The following SPATA6L variants were observed in gnomAD, a reference collection of about 807,000 sequenced individuals.
The protein encoded by SPATA6L is spermatogenesis associated 6-like protein.
A neutral mutation model predicts 49.2 loss-of-function variants in SPATA6L; 68 were observed. The ratio of observed to expected loss-of-function variants is 1.38; its 90% CI spans 1.14 to 1.69. The LOEUF is 1.69. Ranked by LOEUF, SPATA6L falls within the 40% of genes most tolerant of loss-of-function variation. The pLI is 0.00. For missense variants in SPATA6L, 668 were observed against 464.3 expected, an observed-to-expected ratio of 1.44 and a Z score of -4.03; for synonymous variants, 198 against 165.7, an observed-to-expected ratio of 1.19 and a Z score of -1.50.
chr9:4,631,226 T>C (rs1310771538), intron 4 of SPATA6L, among the ~76,000 whole-genome samples: 1 of 152,180 alleles, frequency 6.6e-6, no homozygotes, highest in Non-Finnish European at 1.5e-5. Flanking sequence ...TCATCCAGTC[T>C]CCTTACCAAT....
intron 5 of SPATA6L, chr9:4,626,824 C>T (rs187774985): frequency 1.7e-4 from 36 of 210,660 alleles, no homozygotes; most frequent in African/African-American, 8.2e-4. Context: ...CACAAGAGTA[C>T]CTGAGGACAT....
At position 4,662,136 on chromosome 9, in the gene SPATA6L, C is replaced by A; in HGVS notation, c.40-100G>T. ...TCTCTTAAGCTCCTACAGACACTGA[C>A]ATTTTCCCCATCACCTCACTCCCTC... On this transcript the variant is annotated intron_variant, in intron 1 of 11. Coordinates refer to ENST00000682582, the MANE Select transcript of SPATA6L (RefSeq NM_001353486.2). The surrounding 1 kb of genome is among the most constrained non-coding windows in gnomAD (Gnocchi z 4.9). The A allele has an allele frequency of 1.3e-6, 2 of 1,501,876 alleles. No homozygotes were observed. The highest frequency in any genetic ancestry group is 1.4e-5 in the African/African-American group (1 of 71,638). 93.0% of individuals were successfully genotyped at this position (1,501,876 alleles called of 1,614,324 possible). A position where few individuals can be genotyped will look rare whatever the true frequency, so the allele number is the denominator to read the frequency against.
At chr9:4,596,499 T>C (rs1163365795), downstream of SPATA6L, 1 of 152,212 alleles carries the variant, frequency 6.6e-6, no homozygotes, top group African/African-American at 2.4e-5. Flanking sequence ...TTTATCTCAG[T>C]TCAAAATTCC....
chr9:4,665,032 A>C (rs567422512), intron 1 of SPATA6L: 1 of 167,232 alleles, frequency 6.0e-6, no homozygotes, highest in Non-Finnish European at 1.5e-5. Flanking sequence ...AAATCTGAAT[A>C]TTAGGGGCAT....
chr9:4,607,906 C>T (rs1350531240), intron 9 of SPATA6L, among the ~76,000 whole-genome samples: 33 of 151,240 alleles, frequency 2.2e-4, no homozygotes, highest in Middle Eastern at 3.4e-3. Flanking sequence ...ACCCATCTCA[C>T]GTGCAGAGAC....
At chr9:4,627,953 G>A (rs148423189) in intron 5 of SPATA6L, 196 of 487,734 alleles carry the variant, frequency 4.0e-4, no homozygotes, top group African/African-American at 3.8e-3. Flanking sequence ...TTGCAACAAC[G>A]TGGATGGAAG....
At chr9:4,621,614 G>C (rs1829320657) in intron 7 of SPATA6L, among the ~76,000 whole-genome samples, 1 of 151,940 alleles carries the variant, frequency 6.6e-6, no homozygotes, top group Admixed American at 6.6e-5. Flanking sequence ...TCAGCCTCCT[G>C]AGTAGCTGGG....
At chr9:4,627,746 C>T (rs575622413) in intron 5 of SPATA6L, 30 of 1,289,272 alleles carry the variant, frequency 2.3e-5, no homozygotes, top group East Asian at 5.5e-5. Flanking sequence ...AGACGCTTCA[C>T]GCTTACCAAA....
chr9:4,592,813 A>T (rs1160823481), intron 13 of SPATA6L, among the ~76,000 whole-genome samples: 1 of 152,188 alleles, frequency 6.6e-6, no homozygotes, highest in African/African-American at 2.4e-5. Flanking sequence ...GGTGAGAGGA[A>T]ACTTTTGGAG....
intron 3 of SPATA6L, among the ~76,000 whole-genome samples, chr9:4,649,865 G>A (rs1587430543): frequency 6.6e-6 from 1 of 152,156 alleles, no homozygotes; most frequent in South Asian, 2.1e-4. Flanking sequence ...AATTCTTGCA[G>A]GATCATTTGA....
Position 4,661,946 on chromosome 9 carries a change from G to C in SPATA6L, c.130C>G (p.Pro44Ala). ...MNQYLETNSFPSAFPIMIQES... is the reference protein window; with the variant it reads ...MNQYLETNSFASAFPIMIQES... ...TGAATCATAATGGGGAACGCAGAGG[G>C]AAAGCTGTTGGTCTCCAGGTACTGA... The change falls in exon 2 of 12, where the codon CCC (proline) becomes GCC (alanine). Residue 44 changes from proline (P) to alanine (A), a missense_variant. Transcript: ENST00000682582. 2 of 1,613,984 alleles carry C rather than the reference G, an allele frequency of 1.2e-6. No individual in the cohort carries two copies. The highest frequency in any genetic ancestry group is 4.5e-5 in the East Asian group (2 of 44,874).
At position 4,629,320 on chromosome 9, in the gene SPATA6L, T is replaced by A. The variant is rs1587215003; in HGVS notation, c.352-152A>T. On this transcript the variant is annotated intron_variant, in intron 4 of 11. Coordinates refer to ENST00000682582, the MANE Select transcript of SPATA6L (RefSeq NM_001353486.2). ...AAAATATATATGTAATAAGAATAGCTAAACACTTATGTAATATATATTATG... is the reference window on the plus strand; with the variant it reads ...AAAATATATATGTAATAAGAATAGCAAAACACTTATGTAATATATATTATG... 10 of 562,968 alleles carry A rather than the reference T, an allele frequency of 1.8e-5. No homozygotes were observed. In the East Asian group the frequency reaches 3.0e-4, roughly 17 times the overall value. The allele number at this position is 562,968 out of a possible 1,614,324, so 34.9% of individuals were successfully genotyped here. A position where few individuals can be genotyped will look rare whatever the true frequency, so the allele number is the denominator to read the frequency against.
intron 3 of SPATA6L, among the ~76,000 whole-genome samples, chr9:4,647,832 T>C (rs973159687): frequency 1.2e-5 from 1 of 84,568 alleles, no homozygotes; most frequent in Non-Finnish European, 2.0e-5. Context: ...TGAAAACATT[T>C]TAGTTTTTTT....
Position 4,662,149 on chromosome 9 carries a change from A to C in SPATA6L, c.40-113T>G, listed in dbSNP as rs900628403. On this transcript the variant is annotated intron_variant, in intron 1 of 11. Coordinates refer to ENST00000682582, the MANE Select transcript of SPATA6L (RefSeq NM_001353486.2). The surrounding 1 kb of genome is among the most constrained non-coding windows in gnomAD (Gnocchi z 4.9). ...TACAGACACTGACATTTTCCCCATC[A>C]CCTCACTCCCTCACCTGTACCTCCC... 1 of 1,483,664 alleles carries C rather than the reference A, an allele frequency of 6.7e-7. No homozygotes were observed. 91.9% of individuals were successfully genotyped at this position (1,483,664 alleles called of 1,614,324 possible).
intron 1 of SPATA6L, chr9:4,664,598 G>A (rs1277802640): frequency 6.0e-6 from 1 of 167,078 alleles, no homozygotes; most frequent in African/African-American, 2.4e-5. Context: ...GAGAAGGTAT[G>A]TGCTTTAAGT....
rs371534657 is a variant in SPATA6L at position 4,666,287 on chromosome 9, A to G, written c.-37T>C. ...TGGGCGAAAGGACTGGAATGAGAAG[A>G]TCCTTTTGTGCCGAGCCTTGGACCA... On this transcript the variant is annotated 5_prime_UTR_variant, in exon 1 of 12. Coordinates refer to ENST00000682582, the MANE Select transcript of SPATA6L (RefSeq NM_001353486.2). 33 of 1,612,880 alleles carry G rather than the reference A, an allele frequency of 2.0e-5. No individual in the cohort carries two copies. Among genetic ancestry groups the G allele is most frequent in the Non-Finnish European group, 2.6e-5 (31 of 1,179,000 alleles).
Position 4,598,807 on chromosome 9 carries a change from A to G in SPATA6L, c.*2004T>C, listed in dbSNP as rs190189153. On this transcript the variant is annotated 3_prime_UTR_variant, in exon 12 of 12. Coordinates refer to ENST00000682582, the MANE Select transcript of SPATA6L (RefSeq NM_001353486.2). ...CTTTTGATGACTACTTAGAGGTAAC[A>G]TCAAAACAACAAATTGACAACCATA... is the stretch of plus-strand genomic sequence containing the variant. Among the ~76,000 whole-genome samples the G allele has an allele frequency of 1.1e-3, 164 of 152,366 alleles. No homozygotes were observed. The highest frequency in any genetic ancestry group is 2.0e-3 in the Non-Finnish European group (135 of 68,032).
At chr9:4,664,808 A>T (rs1840621632) in intron 1 of SPATA6L, 1 of 167,146 alleles carries the variant, frequency 6.0e-6, no homozygotes, top group Non-Finnish European at 1.5e-5. Context: ...AGTGAGGGGC[A>T]TAGTGAAAAA....
At chr9:4,593,170 T>C (rs531794422) in intron 13 of SPATA6L, among the ~76,000 whole-genome samples, 2 of 152,308 alleles carry the variant, frequency 1.3e-5, no homozygotes, top group East Asian at 3.9e-4. Context: ...TAAGATATAA[T>C]GCTTCAAAAT....
Sources: allele counts gnomAD v4.1 joint callset (sites outside exome capture counted in the v4.1 genomes callset), GRCh38; gene constraint gnomAD v4.1.1; non-coding constraint Gnocchi (gnomAD v3.1); transcripts MANE v1.5; gene names NCBI Gene and HGNC (gene_info 2026-07-23, HGNC 2026-07-21).